The following SUMF1 variants were observed in gnomAD, a reference collection of about 807,000 sequenced individuals.
The protein encoded by SUMF1 is sulfatase modifying factor 1, also known as formylglycine-generating enzyme.
A neutral mutation model predicts 47.6 loss-of-function variants in SUMF1; 48 were observed. The ratio of observed to expected loss-of-function variants is 1.01; its 90% CI spans 0.80 to 1.28. The LOEUF is 1.28. Ranked by LOEUF, SUMF1 falls within the 50% of genes most tolerant of loss-of-function variation. The pLI is 0.00. For synonymous variants in SUMF1, 230 were observed against 192.1 expected, an observed-to-expected ratio of 1.20 and a Z score of -1.63; for missense variants, 571 against 485.4, an observed-to-expected ratio of 1.18 and a Z score of -1.66.
chr3:4,344,229 T>C (rs1699327905), intron 8 of SUMF1, among the ~76,000 whole-genome samples: 2 of 151,968 alleles, frequency 1.3e-5, no homozygotes, highest in South Asian at 4.2e-4. Flanking sequence ...GGAAGAGCAG[T>C]GTGGTGTGGC....
At chr3:4,130,922 A>G (rs907383014) in intron 8 of SUMF1, among the ~76,000 whole-genome samples, 6 of 152,108 alleles carry the variant, frequency 3.9e-5, no homozygotes, top group African/African-American at 9.7e-5. Flanking sequence ...AACAGATCCA[A>G]TGGTGCTTGA....
At chr3:4,099,779 G>C (rs2125060437) in intron 8 of SUMF1, among the ~76,000 whole-genome samples, 1 of 151,672 alleles carries the variant, frequency 6.6e-6, no homozygotes, top group East Asian at 1.9e-4. Context: ...AAACCAACAT[G>C]CAAAAATCAG....
At chr3:4,205,609 T>G (rs1695634171) in intron 8 of SUMF1, among the ~76,000 whole-genome samples, 1 of 152,196 alleles carries the variant, frequency 6.6e-6, no homozygotes, top group South Asian at 2.1e-4. Context: ...GTAATTTAAG[T>G]CTTTGATGAC....
chr3:4,156,849 C>T (rs534178688), intron 8 of SUMF1, among the ~76,000 whole-genome samples: 1 of 151,596 alleles, frequency 6.6e-6, no homozygotes, highest in Non-Finnish European at 1.5e-5. Flanking sequence ...TAAATTAATA[C>T]TTTTTTTCTA....
At chr3:4,352,298 T>C (rs1240971344) in intron 8 of SUMF1, among the ~76,000 whole-genome samples, 1 of 150,946 alleles carries the variant, frequency 6.6e-6, no homozygotes. Context: ...AATAACCAGT[T>C]CCCCCCCAAA....
chr3:4,436,419 A>T (rs116621240), intron 3 of SUMF1, among the ~76,000 whole-genome samples: 7 of 152,308 alleles, frequency 4.6e-5, no homozygotes, highest in African/African-American at 1.7e-4. Context: ...AATACTGAAT[A>T]CATATAGACA....
At chr3:4,351,313 A>G (rs1382065150) in intron 8 of SUMF1, among the ~76,000 whole-genome samples, 3 of 152,230 alleles carry the variant, frequency 2.0e-5, no homozygotes, top group African/African-American at 7.2e-5. Context: ...CTGAGTCTTA[A>G]CGAAACAATA....
chr3:4,208,093 A>T (rs1373795031), intron 8 of SUMF1, among the ~76,000 whole-genome samples: 1 of 152,152 alleles, frequency 6.6e-6, no homozygotes, highest in East Asian at 1.9e-4. Context: ...TCTTCTTAAT[A>T]AGGAATACCC....
intron 9 of SUMF1, among the ~76,000 whole-genome samples, chr3:4,053,251 C>T (rs1218765894): frequency 6.6e-6 from 1 of 152,084 alleles, no homozygotes; most frequent in Non-Finnish European, 1.5e-5. Flanking sequence ...AGAACACACA[C>T]AAGATTTATC....
At chr3:4,364,613 C>T (rs1175079113) in intron 8 of SUMF1, among the ~76,000 whole-genome samples, 1 of 151,534 alleles carries the variant, frequency 6.6e-6, no homozygotes, top group African/African-American at 2.4e-5. Flanking sequence ...ATTCTTCTCT[C>T]TTTTCTTCTT....
intron 8 of SUMF1, among the ~76,000 whole-genome samples, chr3:4,166,774 C>A (rs750214148): frequency 6.6e-6 from 1 of 151,982 alleles, no homozygotes; most frequent in African/African-American, 2.4e-5. Context: ...TTTCGGGACC[C>A]GAGAGCTGAA....
intron 8 of SUMF1, among the ~76,000 whole-genome samples, chr3:4,104,318 C>T (rs952322462): frequency 1.5e-4 from 23 of 152,216 alleles, no homozygotes; most frequent in African/African-American, 4.1e-4. Flanking sequence ...GAGGCCTCCC[C>T]AGTCATGTGG....
intron 8 of SUMF1, among the ~76,000 whole-genome samples, chr3:4,132,079 T>A (rs867598859): frequency 6.6e-6 from 1 of 152,140 alleles, no homozygotes. Flanking sequence ...GTTGGTTATA[T>A]TGGACCTCTT....
intron 8 of SUMF1, among the ~76,000 whole-genome samples, chr3:4,236,619 T>C (rs1191425453): frequency 6.6e-6 from 1 of 151,964 alleles, no homozygotes; most frequent in Admixed American, 6.6e-5. Flanking sequence ...ACAAACTTTG[T>C]TCTCTAGAGC....
intron 8 of SUMF1, among the ~76,000 whole-genome samples, chr3:4,089,287 T>G (rs1358513823): frequency 2.0e-5 from 3 of 152,138 alleles, no homozygotes; most frequent in African/African-American, 7.2e-5. Flanking sequence ...TGATTAGTAA[T>G]CAGTTACTCA....
intron 8 of SUMF1, among the ~76,000 whole-genome samples, chr3:4,070,062 C>T (rs1695483159): frequency 6.6e-6 from 1 of 152,136 alleles, no homozygotes; most frequent in Non-Finnish European, 1.5e-5. Flanking sequence ...TTATCTTAAC[C>T]TGAACATTCC....
chr3:4,202,366 T>A (rs1373147527), intron 8 of SUMF1, among the ~76,000 whole-genome samples: 1 of 152,076 alleles, frequency 6.6e-6, no homozygotes, highest in Non-Finnish European at 1.5e-5. Context: ...AGACTGTCCT[T>A]CCCTCAGTGT....
chr3:4,098,662 T>G (rs573756864), intron 8 of SUMF1, among the ~76,000 whole-genome samples: 4 of 152,194 alleles, frequency 2.6e-5, no homozygotes, highest in African/African-American at 9.7e-5. Context: ...CCCTAGAAAC[T>G]GCATAATCAT....
chr3:4,164,304 G>C (rs557659978), intron 8 of SUMF1, among the ~76,000 whole-genome samples: 5 of 152,160 alleles, frequency 3.3e-5, no homozygotes, highest in Admixed American at 1.3e-4. Context: ...CCAGTGTCCA[G>C]GAGGAAGTCA....
Sources: allele counts gnomAD v4.1 joint callset (sites outside exome capture counted in the v4.1 genomes callset), GRCh38; gene constraint gnomAD v4.1.1; transcripts MANE v1.5; gene names NCBI Gene and HGNC (gene_info 2026-07-23, HGNC 2026-07-21).